ESRRG: variants seen among roughly 807,000 people sequenced by gnomAD.
ESRRG encodes the protein estrogen related receptor gamma.
Under a neutral mutation model 44.0 loss-of-function variants are expected in ESRRG, and 13 were observed. The observed-to-expected ratio is 0.30, with a 90% confidence interval of 0.19 to 0.47. The LOEUF (loss-of-function observed/expected upper bound fraction) is 0.47. Among genes scored for constraint, ESRRG ranks in the 20% least tolerant of loss-of-function variants. ESRRG has a pLI of 1.00. For missense variants in ESRRG, 395 were observed against 580.6 expected (o/e 0.68, Z 3.29); for synonymous variants, 215 against 214.6 (o/e 1.00, Z -0.02).
At position 216,857,687 on chromosome 1, in the gene ESRRG, T is replaced by C. The variant is rs77784933; in HGVS notation, c.-14+81895A>G. 6.6e-4 allele frequency among the ~76,000 whole-genome samples: 97 copies of C among 147,710 alleles called. 3 individuals are homozygous for C. The East Asian group carries it at 0.017, about 25-fold the overall frequency. On this transcript the variant is annotated intron_variant, in intron 2 of 7. Transcript: ENST00000359162. ...CACAGGGCATTCTGAAAACTAAGTC[T>C]AGTCCAGAAGCTAATTTTTCACAAA...
At chr1:216,953,036 C>T (rs2067245685) in intron 1 of ESRRG, among the ~76,000 whole-genome samples, 1 of 152,170 alleles carries the variant, frequency 6.6e-6, no homozygotes, top group Admixed American at 6.6e-5. Context: ...CACAGAGGCA[C>T]ATTTCCATTT....
chr1:216,793,086 A>C (rs1434897642), intron 2 of ESRRG, among the ~76,000 whole-genome samples: 1 of 152,144 alleles, frequency 6.6e-6, no homozygotes, highest in African/African-American at 2.4e-5. Context: ...TTTATCCTCT[A>C]TGTCCACCAC....
chr1:216,921,532 T>G (rs2061848671), intron 2 of ESRRG, among the ~76,000 whole-genome samples: 1 of 152,140 alleles, frequency 6.6e-6, no homozygotes, highest in African/African-American at 2.4e-5. Flanking sequence ...GGCACTCTGG[T>G]GACAGCCTCT....
chr1:216,671,498 C>A (rs1358175103), intron 2 of ESRRG, among the ~76,000 whole-genome samples: 2 of 152,158 alleles, frequency 1.3e-5, no homozygotes, highest in Non-Finnish European at 2.9e-5. Context: ...CTCTGGGTAT[C>A]CCAGTCATAT....
At chr1:216,932,211 GA>G (rs59330052) in intron 2 of ESRRG, among the ~76,000 whole-genome samples, 2 of 151,198 alleles carry the variant, frequency 1.3e-5, no homozygotes, top group South Asian at 2.1e-4. Flanking sequence ...CTTTGGGGGT[GA>G]AAAAAAGGTA....
intron 5 of ESRRG, among the ~76,000 whole-genome samples, chr1:216,547,231 T>G (rs1338837646): frequency 1.4e-5 from 2 of 146,008 alleles, no homozygotes; most frequent in Non-Finnish European, 3.0e-5. Context: ...TCAGTGAATG[T>G]AGCTGGATGA....
At chr1:217,087,416 G>A (rs12123253) in intron 1 of ESRRG, among the ~76,000 whole-genome samples, 23,487 of 152,196 alleles carry the variant, frequency 0.15, 2,225 homozygotes, top group Admixed American at 0.22. Flanking sequence ...AGTCAGAGAT[G>A]GGAACATGGT....
In ESRRG at chr1:216,723,201, A is replaced by G. The variant is rs370216526; in HGVS notation, c.56+43T>C. 27 of 1,037,814 alleles carry G rather than the reference A, an allele frequency of 2.6e-5. No homozygotes were observed. In the African/African-American group the frequency reaches 4.0e-4, roughly 16 times the overall value. The allele number at this position is 1,037,814 out of a possible 1,614,324, so 64.3% of individuals were successfully genotyped here. A position where few individuals can be genotyped will look rare whatever the true frequency, so the allele number is the denominator to read the frequency against. On this transcript the variant is annotated intron_variant, in intron 1 of 6. Transcript: ENST00000408911. ...ATAGTCTGTCCGCCCCCACCCCCGC[A>G]CCCCCACGACGAGTTTAAAAAGGAA...
intron 1 of ESRRG, among the ~76,000 whole-genome samples, chr1:216,719,092 A>T (rs1366640919): frequency 6.6e-6 from 1 of 152,032 alleles, no homozygotes; most frequent in African/African-American, 2.4e-5. Flanking sequence ...TTAGTCATTG[A>T]GCTAAAACAA....
upstream of ESRRG, among the ~76,000 whole-genome samples, chr1:216,724,194 T>C (rs1305153851): frequency 6.6e-6 from 1 of 152,132 alleles, no homozygotes; most frequent in Non-Finnish European, 1.5e-5. Context: ...TTTCTATACC[T>C]GCGACTGTCT....
chr1:216,959,143 A>G (rs969912698), intron 1 of ESRRG, among the ~76,000 whole-genome samples: 1 of 151,768 alleles, frequency 6.6e-6, no homozygotes, highest in Non-Finnish European at 1.5e-5. Flanking sequence ...TTCTACCAAA[A>G]TATAAGCTCT....
At chr1:216,781,119 G>A (rs577441532) in intron 2 of ESRRG, among the ~76,000 whole-genome samples, 3 of 152,006 alleles carry the variant, frequency 2.0e-5, no homozygotes, top group Non-Finnish European at 4.4e-5. Context: ...CCTGGTTTGT[G>A]ACTAATAAGT....
intron 5 of ESRRG, among the ~76,000 whole-genome samples, chr1:216,538,765 G>T (rs1054110978): frequency 6.6e-6 from 1 of 152,030 alleles, no homozygotes; most frequent in Non-Finnish European, 1.5e-5. Context: ...AACAGCAATT[G>T]TTTCAAGGTA....
At chr1:216,632,708 T>A (rs536391429) in intron 3 of ESRRG, among the ~76,000 whole-genome samples, 3 of 151,756 alleles carry the variant, frequency 2.0e-5, no homozygotes, top group African/African-American at 7.3e-5. Context: ...TATTGAAGAG[T>A]TTTTAGGTTT....
chr1:216,745,833 A>G (rs1187687205), intron 2 of ESRRG, among the ~76,000 whole-genome samples: 39 of 152,212 alleles, frequency 2.6e-4, no homozygotes, highest in Non-Finnish European at 5.9e-5. Context: ...TTTATATTTC[A>G]GTCCTCATGT....
chr1:217,134,409 G>A (rs901704940), intron 1 of ESRRG, among the ~76,000 whole-genome samples: 1 of 152,192 alleles, frequency 6.6e-6, no homozygotes, highest in Non-Finnish European at 1.5e-5. Flanking sequence ...ATCTCGATGC[G>A]CGCAGTGAGG....
intron 1 of ESRRG, among the ~76,000 whole-genome samples, chr1:217,062,829 T>G (rs1264895333): frequency 6.6e-6 from 1 of 152,144 alleles, no homozygotes; most frequent in African/African-American, 2.4e-5. Context: ...AAACATCACC[T>G]GGTTTGGGTT....
chr1:216,824,236 C>T (rs929942596), intron 2 of ESRRG, among the ~76,000 whole-genome samples: 1 of 152,062 alleles, frequency 6.6e-6, no homozygotes, highest in African/African-American at 2.4e-5. Flanking sequence ...CATTTGAGGT[C>T]AGGAGTTTGA....
chr1:216,845,345 T>C (rs189653962), intron 2 of ESRRG, among the ~76,000 whole-genome samples: 282 of 152,168 alleles, frequency 1.9e-3, no homozygotes, highest in African/African-American at 4.4e-3. Context: ...TTTATCAAAA[T>C]AGGGTTATAG....
Sources: gnomAD v4.1 joint callset for allele counts (sites outside exome capture counted in the v4.1 genomes callset) on GRCh38, gnomAD v4.1.1 for gene constraint, MANE v1.5 for transcripts, NCBI Gene and HGNC (gene_info 2026-07-23, HGNC 2026-07-21) for gene names.